KCNQ5: variants seen among roughly 807,000 people sequenced by gnomAD.
KCNQ5 encodes potassium voltage-gated channel subfamily Q member 5.
A neutral mutation model predicts 98.2 loss-of-function variants in KCNQ5; 30 were observed. The observed-to-expected ratio is 0.31, with a 90% CI of 0.23 to 0.41. The LOEUF (loss-of-function observed/expected upper bound fraction) is 0.41, where lower values mean the gene tolerates loss of function less well. Ranked by LOEUF, KCNQ5 falls within the 10% of genes least tolerant of loss-of-function variation. The pLI, the probability that KCNQ5 is intolerant of heterozygous loss-of-function variation, is 1.00. For synonymous variants in KCNQ5, 458 were observed against 449.4 expected (o/e 1.02, Z -0.24); for missense variants, 835 against 1,182.5 (o/e 0.71, Z 4.31).
At position 73,095,123 on chromosome 6, in the gene KCNQ5, A is replaced by C. The variant is rs191041697; in HGVS notation, c.919-10134A>C. ...TTGGAGGCTGTGTTCGTATTTTCTT[A>C]TTCTTTTTTCTTTGTCTTTATGGAG... On this transcript the variant is annotated intron_variant, in intron 5 of 13. Transcript: ENST00000370398. 3.3e-5 allele frequency among the ~76,000 whole-genome samples: 5 copies of C among 152,214 alleles called. No individual in the cohort carries two copies. In the East Asian group the frequency reaches 7.7e-4, roughly 23 times the overall value.
In KCNQ5 at chr6:72,622,606, T is replaced by G. The variant is rs778622618; in HGVS notation, c.398+19T>G. 2 of 1,611,208 alleles carry G rather than the reference T, an allele frequency of 1.2e-6. No individual in the cohort carries two copies. The highest frequency in any genetic ancestry group is 8.5e-7 in the Non-Finnish European group (1 of 1,179,002). ...CTTTCGTGTGAGTACCCGCGCCCCCTGCTATGCCCGCTGCAGGGGACCACT... is the reference window on the plus strand; with the variant it reads ...CTTTCGTGTGAGTACCCGCGCCCCCGGCTATGCCCGCTGCAGGGGACCACT... On this transcript the variant is annotated intron_variant, in intron 1 of 13. Coordinates refer to ENST00000370398, the MANE Select transcript of KCNQ5 (RefSeq NM_019842.4). The surrounding 1 kb of genome is among the most constrained non-coding windows in gnomAD (Gnocchi z 6.0).
intron 1 of KCNQ5, among the ~76,000 whole-genome samples, chr6:72,973,881 C>T (rs949399616): frequency 2.0e-5 from 3 of 152,098 alleles, no homozygotes; most frequent in African/African-American, 7.2e-5. Flanking sequence ...TTGTATTTAA[C>T]GAGACAAAAA....
At chr6:72,677,115 G>A (rs1183306610) in intron 1 of KCNQ5, 2 of 152,094 alleles carry the variant, frequency 1.3e-5, no homozygotes, top group Non-Finnish European at 2.9e-5. Context: ...AAAACCGCAT[G>A]GCGTACTACT....
intron 10 of KCNQ5, chr6:73,134,175 C>A: frequency 3.7e-6 from 1 of 269,482 alleles, no homozygotes; most frequent in Non-Finnish European, 7.5e-6. Flanking sequence ...TCGAAGTCTT[C>A]CAATGATAAG....
At chr6:72,932,359 T>C (rs1036402678) in intron 1 of KCNQ5, among the ~76,000 whole-genome samples, 1 of 151,946 alleles carries the variant, frequency 6.6e-6, no homozygotes, top group Non-Finnish European at 1.5e-5. Context: ...AGGAAGACAA[T>C]AGATGAGGCC....
In KCNQ5 at chr6:73,196,337, G is replaced by C. The variant is rs917780397; in HGVS notation, c.*923G>C. 6.6e-6 allele frequency: 1 copy of C among 152,190 alleles called. No individual in the cohort carries two copies. Among genetic ancestry groups the C allele is most frequent in the African/African-American group, 2.4e-5 (1 of 41,428 alleles). 9.4% of individuals were successfully genotyped at this position (152,190 alleles called of 1,614,324 possible). A position where few individuals can be genotyped will look rare whatever the true frequency, so the allele number is the denominator to read the frequency against. On this transcript the variant is annotated 3_prime_UTR_variant, in exon 14 of 14. Coordinates refer to ENST00000370398, the MANE Select transcript of KCNQ5 (RefSeq NM_019842.4). ...CTGACATACAGGTAGGACTATGGGG[G>C]ATGGGACATTTGAGTGGGACTGAGA...
At chr6:72,835,267 T>G (rs934638130) in intron 1 of KCNQ5, among the ~76,000 whole-genome samples, 3 of 152,122 alleles carry the variant, frequency 2.0e-5, no homozygotes, top group Admixed American at 6.6e-5. Flanking sequence ...CATTACACGC[T>G]CAATTAATCT....
At chr6:73,165,340 T>C (rs1227835424) in intron 10 of KCNQ5, among the ~76,000 whole-genome samples, 1 of 152,142 alleles carries the variant, frequency 6.6e-6, no homozygotes, top group Non-Finnish European at 1.5e-5. Flanking sequence ...GGAGCTAACA[T>C]CTGGGCATCT....
chr6:73,153,586 C>G (rs1310959519), intron 10 of KCNQ5, among the ~76,000 whole-genome samples: 1 of 152,048 alleles, frequency 6.6e-6, no homozygotes, highest in South Asian at 2.1e-4. Flanking sequence ...CATATTTTCT[C>G]TTTGCTATGA....
chr6:72,981,383 T>G (rs923614419), intron 1 of KCNQ5, among the ~76,000 whole-genome samples: 9 of 152,246 alleles, frequency 5.9e-5, no homozygotes, highest in Middle Eastern at 3.2e-3. Flanking sequence ...TGGTTTAGTC[T>G]TGGGAGGGTG....
At chr6:73,045,796 C>T (rs1042115188) in intron 3 of KCNQ5, among the ~76,000 whole-genome samples, 65 of 152,032 alleles carry the variant, frequency 4.3e-4, no homozygotes, top group African/African-American at 1.5e-3. Context: ...TTTTAGATTC[C>T]TTGGTGACGC....
intron 3 of KCNQ5, among the ~76,000 whole-genome samples, chr6:73,065,984 C>CA (rs2150380440): frequency 6.6e-6 from 1 of 152,072 alleles, no homozygotes; most frequent in East Asian, 1.9e-4. Flanking sequence ...CCATCTCTCC[C>CA]AAAAATACAA....
At chr6:72,671,799 C>T (rs889939411) in intron 1 of KCNQ5, among the ~76,000 whole-genome samples, 2 of 151,914 alleles carry the variant, frequency 1.3e-5, no homozygotes, top group Non-Finnish European at 2.9e-5. Flanking sequence ...TAAATATACA[C>T]ATATATATCA....
At chr6:72,786,899 G>A (rs1051813127) in intron 1 of KCNQ5, among the ~76,000 whole-genome samples, 6 of 151,174 alleles carry the variant, frequency 4.0e-5, no homozygotes, top group South Asian at 2.1e-4. Flanking sequence ...CCAGCTACTC[G>A]GGAGGCTGAG....
chr6:72,966,391 T>A (rs1252656204), intron 1 of KCNQ5, among the ~76,000 whole-genome samples: 2 of 149,884 alleles, frequency 1.3e-5, no homozygotes, highest in Non-Finnish European at 3.0e-5. Flanking sequence ...AAACCCTGTC[T>A]CTATTAAAAA....
chr6:72,958,847 C>T (rs961365418), intron 1 of KCNQ5, among the ~76,000 whole-genome samples: 2 of 152,134 alleles, frequency 1.3e-5, no homozygotes, highest in African/African-American at 4.8e-5. Context: ...CATAGTAACA[C>T]ATTAGGGAGA....
intron 1 of KCNQ5, among the ~76,000 whole-genome samples, chr6:72,630,793 A>G (rs1290132572): frequency 6.6e-6 from 1 of 152,204 alleles, no homozygotes; most frequent in Non-Finnish European, 1.5e-5. Flanking sequence ...TATTTATATG[A>G]TAAAGGTCTA....
intron 1 of KCNQ5, among the ~76,000 whole-genome samples, chr6:72,653,016 A>C (rs1045493720): frequency 1.3e-5 from 2 of 152,126 alleles, no homozygotes; most frequent in African/African-American, 4.8e-5. Context: ...ATTCACAGAC[A>C]ATCACAGGTA....
intron 1 of KCNQ5, among the ~76,000 whole-genome samples, chr6:72,674,195 T>C (rs1767286785): frequency 1.3e-5 from 2 of 152,252 alleles, no homozygotes; most frequent in East Asian, 3.9e-4. Flanking sequence ...TCTATCTATC[T>C]GTCCATCATC....
Sources: gnomAD v4.1 joint callset for allele counts (sites outside exome capture counted in the v4.1 genomes callset) on GRCh38, gnomAD v4.1.1 for gene constraint, Gnocchi (gnomAD v3.1) non-coding constraint, MANE v1.5 for transcripts, NCBI Gene and HGNC (gene_info 2026-07-23, HGNC 2026-07-21) for gene names.